Variants in RPS24 observed in about 807,000 individuals in gnomAD.
The protein encoded by RPS24 is small ribosomal subunit protein eS24.
For synonymous variants in RPS24, 72 were observed against 55.6 expected (o/e 1.30, Z -1.31); for missense variants, 100 against 162.5 (o/e 0.62, Z 2.09).
At position 78,040,636 on chromosome 10, in the gene RPS24, AATG is replaced by A. The variant is rs1847972918; in HGVS notation, c.*45_*47del. 6.2e-7 allele frequency: 1 copy of A among 1,614,046 alleles called. No homozygotes were observed. The highest frequency in any genetic ancestry group is 1.3e-5 in the African/African-American group (1 of 75,056). On this transcript the variant is annotated 3_prime_UTR_variant, in exon 6 of 6. Coordinates refer to ENST00000372360, the MANE Select transcript of RPS24 (RefSeq NM_033022.4). ...ACAGCCGAAGGAGTAAAGGTGCTGC[AATG>A]ATGTTAGCTGTGGCCACTGTGGATT...
intron 4 of RPS24, among the ~76,000 whole-genome samples, chr10:78,049,588 G>T (rs78604178): frequency 0.022 from 3,418 of 152,316 alleles, 134 homozygotes; most frequent in African/African-American, 0.077. Flanking sequence ...TGCCAATGCT[G>T]GTGCCATTCT....
At chr10:78,038,230 A>C (rs982999051) in intron 4 of RPS24, 2 of 211,286 alleles carry the variant, frequency 9.5e-6, no homozygotes, top group Non-Finnish European at 1.9e-5. Flanking sequence ...TTTATTTTGT[A>C]AACTCCAAAA....
At chr10:78,040,061 AT>A in intron 4 of RPS24, 142 bp from the exon 5 acceptor site, 1 of 770,650 alleles carries the variant, frequency 1.3e-6, no homozygotes, top group East Asian at 2.6e-5. Flanking sequence ...TCTGTATACA[AT>A]TGCAAAGAAC....
chr10:78,046,981 C>G (rs945201981), intron 4 of RPS24, among the ~76,000 whole-genome samples: 1 of 151,332 alleles, frequency 6.6e-6, no homozygotes, highest in Non-Finnish European at 1.5e-5. Context: ...GCCAGGTAAC[C>G]TGTTTTTTTT....
intron 1 of RPS24, among the ~76,000 whole-genome samples, chr10:78,034,896 A>G (rs186878138): frequency 6.6e-6 from 1 of 152,248 alleles, no homozygotes; most frequent in Admixed American, 6.5e-5. Context: ...ACCCGGAGTG[A>G]TTTTTCTCCT....
chr10:78,045,638 T>C (rs925357507), downstream of RPS24, among the ~76,000 whole-genome samples: 3 of 151,786 alleles, frequency 2.0e-5, no homozygotes, highest in Non-Finnish European at 2.9e-5. Flanking sequence ...CCTGCCACCA[T>C]GCTTGGGTAA....
downstream of RPS24, among the ~76,000 whole-genome samples, chr10:78,045,459 C>G (rs569702723): frequency 1.4e-4 from 21 of 152,172 alleles, no homozygotes; most frequent in African/African-American, 5.1e-4. Flanking sequence ...ATGAGTAATT[C>G]CGAAACCTGG....
intron 1 of RPS24, 105 bp downstream of exon 1, chr10:78,034,009 T>A: frequency 7.1e-7 from 1 of 1,402,570 alleles, no homozygotes; most frequent in Non-Finnish European, 1.0e-6. Context: ...CGGTTGCTCT[T>A]CTCTGGCCGT....
exon 5 of RPS24, chr10:78,054,974 C>T (rs1456092580): frequency 1.3e-6 from 2 of 1,483,014 alleles, no homozygotes; most frequent in Admixed American, 2.3e-5. Flanking sequence ...CCAGCTGCTT[C>T]TCCCCACCTT....
chr10:78,037,543 T>C, intron 4 of RPS24: 1 of 543,302 alleles, frequency 1.8e-6, no homozygotes, highest in South Asian at 2.2e-5. Flanking sequence ...GAGGCCACAT[T>C]GGTTCATTGA....
chr10:78,041,469 A>G (rs1440414217), downstream of RPS24, among the ~76,000 whole-genome samples: 1 of 152,232 alleles, frequency 6.6e-6, no homozygotes, highest in South Asian at 2.1e-4. Flanking sequence ...TCTCTTGCTA[A>G]GGAATCTGCT....
intron 4 of RPS24, among the ~76,000 whole-genome samples, chr10:78,050,041 A>G (rs979105275): frequency 6.6e-6 from 1 of 152,156 alleles, no homozygotes; most frequent in Admixed American, 6.6e-5. Context: ...TGATCTAACA[A>G]AGCCAAAAGG....
At chr10:78,036,416 C>T (rs1347371096) in intron 3 of RPS24, 3 of 154,298 alleles carry the variant, frequency 1.9e-5, no homozygotes, top group African/African-American at 7.2e-5. Context: ...CGCAACTCTT[C>T]TGCCTGAGCT....
intron 4 of RPS24, among the ~76,000 whole-genome samples, chr10:78,047,122 A>AT (rs766002899): frequency 0.037 from 5,318 of 142,648 alleles, 287 homozygotes; most frequent in African/African-American, 0.12. Context: ...CGCCTGGCTA[A>AT]TTTTTTTTTT....
intron 4 of RPS24, among the ~76,000 whole-genome samples, chr10:78,046,339 C>T (rs936478583): frequency 1.1e-4 from 16 of 142,434 alleles, no homozygotes; most frequent in African/African-American, 4.6e-4. Context: ...CAAATTATCT[C>T]ATTTACCTTT....
At chr10:78,039,982 A>T (rs1391185054) in intron 4 of RPS24, 6 of 633,712 alleles carry the variant, frequency 9.5e-6, no homozygotes, top group Non-Finnish European at 1.7e-5. Context: ...TTTGCATAAG[A>T]ACTACAGTAA....
At chr10:78,037,883 T>TG (rs1439833472) in intron 4 of RPS24, 1 of 980,854 alleles carries the variant, frequency 1.0e-6, no homozygotes, top group Non-Finnish European at 1.4e-6. Context: ...AATTAACAAA[T>TG]AATCAAGTGT....
rs1353817651 is a variant in RPS24, at chr10:78,035,739, G to T, written c.279+19G>T. 1 of 1,586,506 alleles carries T rather than the reference G, an allele frequency of 6.3e-7. No homozygotes were observed. The highest frequency in any genetic ancestry group is 8.6e-7 in the Non-Finnish European group (1 of 1,168,540). ...TGCAAGAGTAGGTGTCTTTTCATTT[G>T]TTGATCAGCTCCTGAAGACCTATTT... On this transcript the variant is annotated intron_variant, in intron 3 of 5. Transcript: ENST00000372360.
chr10:78,050,427 C>T (rs1326859260), intron 4 of RPS24, among the ~76,000 whole-genome samples: 2 of 152,218 alleles, frequency 1.3e-5, no homozygotes, highest in Non-Finnish European at 2.9e-5. Context: ...CCACTCCCAC[C>T]GCTGAGACAT....
Sources: allele counts gnomAD v4.1 joint callset (sites outside exome capture counted in the v4.1 genomes callset), GRCh38; gene constraint gnomAD v4.1.1; transcripts MANE v1.5; gene names NCBI Gene and HGNC (gene_info 2026-07-23, HGNC 2026-07-21).